ABLIM3: variants seen among roughly 807,000 people sequenced by gnomAD.
The protein encoded by ABLIM3 is actin-binding LIM protein 3.
Under a neutral mutation model 109.5 loss-of-function variants are expected in ABLIM3, and 61 were observed. The observed-to-expected ratio is 0.56, with a 90% CI of 0.45 to 0.69. The LOEUF is 0.69. ABLIM3 is among the 30% of genes least tolerant of loss of function. The probability of loss-of-function intolerance (pLI) is 0.00; values close to 1 mark genes in which losing one functional copy is unlikely to be tolerated. For synonymous variants in ABLIM3, 300 were observed against 324.8 expected (o/e 0.92, Z 0.82); for missense variants, 796 against 889.5 (o/e 0.89, Z 1.34).
intron 2 of ABLIM3, among the ~76,000 whole-genome samples, chr5:149,161,458 C>T (rs995406312): frequency 5.3e-5 from 8 of 152,128 alleles, no homozygotes; most frequent in African/African-American, 1.9e-4. Flanking sequence ...TGTCAATAAG[C>T]CCTTTATGTG....
At chr5:149,161,922 G>A (rs961357780) in intron 2 of ABLIM3, among the ~76,000 whole-genome samples, 3 of 152,116 alleles carry the variant, frequency 2.0e-5, no homozygotes, top group African/African-American at 7.2e-5. Context: ...ATGTGTGTGT[G>A]TGTGCGCCTA....
intron 3 of ABLIM3, among the ~76,000 whole-genome samples, chr5:149,190,612 G>A (rs1285426025): frequency 1.3e-5 from 2 of 152,086 alleles, no homozygotes; most frequent in African/African-American, 2.4e-5. Context: ...CCCAGGAGGC[G>A]GAGGTTGCAG....
intron 8 of ABLIM3, among the ~76,000 whole-genome samples, chr5:149,228,069 C>T (rs1761497889): frequency 2.0e-5 from 3 of 152,176 alleles, no homozygotes; most frequent in African/African-American, 2.4e-5. Flanking sequence ...AGTGTAAGTA[C>T]TGTGTGCTGA....
chr5:149,225,974 GTGTGTGTGTATATATATATATA>G (rs70973512), intron 8 of ABLIM3, among the ~76,000 whole-genome samples: 14,053 of 91,392 alleles, frequency 0.15, 971 homozygotes, highest in Non-Finnish European at 0.18. Flanking sequence ...GTGTGTGTGT[GTGTGTGTGTATATATATATATA>G]TATATATATA....
At chr5:149,192,005 C>G (rs1757524110) in intron 3 of ABLIM3, among the ~76,000 whole-genome samples, 2 of 151,976 alleles carry the variant, frequency 1.3e-5, no homozygotes, top group Non-Finnish European at 2.9e-5. Context: ...ATTTTTAAAA[C>G]TAGGAGGAAT....
intron 5 of ABLIM3, 66 bp downstream of exon 5, chr5:149,200,494 C>A: frequency 2.0e-6 from 3 of 1,523,154 alleles, no homozygotes; most frequent in Non-Finnish European, 2.7e-6. Flanking sequence ...CCTTTCCCAG[C>A]ACTGCCAACT....
Position 149,250,431 on chromosome 5 carries a change from A to T in ABLIM3, c.1730-16A>T, listed in dbSNP as rs764793884. 14 of 1,613,838 alleles carry T rather than the reference A, an allele frequency of 8.7e-6. No homozygotes were observed. In the South Asian group the frequency reaches 1.2e-4, roughly 14 times the overall value. On this transcript the variant is annotated splice_polypyrimidine_tract_variant and intron_variant, in intron 19 of 23. Coordinates refer to ENST00000309868, the MANE Select transcript of ABLIM3 (RefSeq NM_014945.5). The stretch of plus-strand genomic sequence containing the variant: ...GCTTGGGACTCCTGATAATTGCTCT[A>T]GATCCTTCTTTTCAGATCCTCTCAT...
At chr5:149,192,617 T>G (rs1264162887) in intron 3 of ABLIM3, among the ~76,000 whole-genome samples, 1 of 126,246 alleles carries the variant, frequency 7.9e-6, no homozygotes, top group Admixed American at 9.1e-5. Flanking sequence ...AGAGCGAGAC[T>G]CCGTCTCAAA....
intron 2 of ABLIM3, among the ~76,000 whole-genome samples, chr5:149,151,114 A>G (rs62380142): frequency 6.6e-6 from 1 of 152,236 alleles, no homozygotes; most frequent in Non-Finnish European, 1.5e-5. Context: ...CTAAAAGTCC[A>G]AAACGAAGGT....
At chr5:149,216,762 G>A in intron 7 of ABLIM3, 197 bp from the exon 8 acceptor site, 1 of 573,316 alleles carries the variant, frequency 1.7e-6, no homozygotes, top group South Asian at 2.3e-5. Context: ...CTGCCATCAG[G>A]GATCCATGGA....
rs748584807 is a variant in ABLIM3 at position 149,200,311 on chromosome 5, T to C, written c.336-5T>C. The stretch of plus-strand genomic sequence containing the variant: ...TGTTGAATTTCTCCCTCATCCCACT[T>C]GCAGGAAGCCTTTCCCCATTGGAGA... On this transcript the variant is annotated splice_region_variant and splice_polypyrimidine_tract_variant and intron_variant, in intron 4 of 23. Coordinates refer to ENST00000309868, the MANE Select transcript of ABLIM3 (RefSeq NM_014945.5). 3.1e-6 allele frequency: 5 copies of C among 1,613,830 alleles called. No homozygotes were observed. The highest frequency in any genetic ancestry group is 4.2e-6 in the Non-Finnish European group (5 of 1,179,820).
chr5:149,232,220 C>T (rs865955047), intron 9 of ABLIM3, among the ~76,000 whole-genome samples: 3 of 152,276 alleles, frequency 2.0e-5, no homozygotes, highest in African/African-American at 7.2e-5. Context: ...GCAGGAGAAT[C>T]ACTTGAAAAT....
At chr5:149,213,813 A>AT (rs34289553) in intron 7 of ABLIM3, among the ~76,000 whole-genome samples, 47,656 of 148,164 alleles carry the variant, frequency 0.32, 7,474 homozygotes, top group East Asian at 0.44. Flanking sequence ...CGACTTATTG[A>AT]TTTTTTTTTT....
At chr5:149,182,125 C>A (rs1756522077) in intron 2 of ABLIM3, among the ~76,000 whole-genome samples, 1 of 152,210 alleles carries the variant, frequency 6.6e-6, no homozygotes, top group Non-Finnish European at 1.5e-5. Flanking sequence ...ACATAACTAC[C>A]ACACAGGGTC....
chr5:149,189,484 G>C (rs1757279028), intron 3 of ABLIM3, among the ~76,000 whole-genome samples: 1 of 152,178 alleles, frequency 6.6e-6, no homozygotes, highest in South Asian at 2.1e-4. Flanking sequence ...TCTCAGCTAT[G>C]TAAAGAATTC....
At chr5:149,214,185 A>G (rs548483257) in intron 7 of ABLIM3, among the ~76,000 whole-genome samples, 2 of 152,354 alleles carry the variant, frequency 1.3e-5, no homozygotes, top group South Asian at 2.1e-4. Context: ...CACGTTAGTC[A>G]AGACTTTTTG....
chr5:149,145,519 T>A (rs938687495), intron 2 of ABLIM3, among the ~76,000 whole-genome samples: 1 of 152,208 alleles, frequency 6.6e-6, no homozygotes, highest in Non-Finnish European at 1.5e-5. Context: ...GTAATGGGAT[T>A]GCTAGGTCAA....
chr5:149,253,264 G>A (rs1431734879), intron 23 of ABLIM3, among the ~76,000 whole-genome samples: 4 of 152,202 alleles, frequency 2.6e-5, no homozygotes, highest in African/African-American at 7.2e-5. Flanking sequence ...ACTTGTGCTT[G>A]TGATGGGGGA....
At chr5:149,217,109 T>TCTTCAGGTTCAGTGTTATCTTGG in intron 8 of ABLIM3, 63 bp downstream of exon 8, 1 of 1,451,142 alleles carries the variant, frequency 6.9e-7, no homozygotes, top group Non-Finnish European at 9.6e-7. Context: ...GGAGATGCGA[T>TCTTCAGGTTCAGTGTTATCTTGG]CTTCAGGTTC....
Sources: allele counts gnomAD v4.1 joint callset (sites outside exome capture counted in the v4.1 genomes callset), GRCh38; gene constraint gnomAD v4.1.1; transcripts MANE v1.5; gene names NCBI Gene and HGNC (gene_info 2026-07-23, HGNC 2026-07-21).